NELL2: variants seen among roughly 807,000 people sequenced by gnomAD.
NELL2 encodes the protein neural EGFL like 2, also known as protein kinase C-binding protein NELL2.
NELL2 carries 41 observed loss-of-function variants against 109.6 expected under a neutral mutation model. The observed-to-expected ratio is 0.37, with a 90% CI of 0.29 to 0.49. The LOEUF is 0.49. NELL2 is among the 20% of genes least tolerant of loss of function. The pLI is 0.98. For synonymous variants in NELL2, 355 were observed against 344.7 expected (o/e 1.03, Z -0.33); for missense variants, 900 against 1,008.3 (o/e 0.89, Z 1.45).
rs992663807 is a variant in NELL2 at position 44,708,385 on chromosome 12, G to C, written c.1189+2907C>G. ...CACTGGCTGAGCCTCTAGTGAAAAA[G>C]TCAACACTTCATCTCATGCTCTGCT... On this transcript the variant is annotated intron_variant, in intron 11 of 19. Transcript: ENST00000429094. Among the ~76,000 whole-genome samples the C allele has an allele frequency of 2.0e-5, 3 of 152,154 alleles. No homozygotes were observed. The South Asian group carries it at 6.2e-4, about 31-fold the overall frequency.
intron 13 of NELL2, among the ~76,000 whole-genome samples, chr12:44,663,426 G>T (rs1947817461): frequency 6.6e-6 from 1 of 152,174 alleles, no homozygotes; most frequent in Admixed American, 6.5e-5. Flanking sequence ...AGTGGTGTTA[G>T]TTGAAAATGC....
chr12:44,671,129 A>G (rs1196631299), intron 12 of NELL2, among the ~76,000 whole-genome samples: 3 of 152,212 alleles, frequency 2.0e-5, no homozygotes, highest in Admixed American at 2.0e-4. Context: ...GAAATCAATA[A>G]CAACAGAAAT....
At chr12:44,556,132 T>A (rs563289720) in intron 15 of NELL2, among the ~76,000 whole-genome samples, 3 of 152,220 alleles carry the variant, frequency 2.0e-5, no homozygotes, top group Non-Finnish European at 4.4e-5. Flanking sequence ...TAATCCAGCA[T>A]AGCTGGCATG....
In NELL2 at chr12:44,613,492, G is replaced by T. The variant is rs191673945; in HGVS notation, c.1445-2522C>A. Among the ~76,000 whole-genome samples the T allele has an allele frequency of 4.6e-5, 7 of 152,154 alleles. No individual in the cohort carries two copies. The East Asian group carries it at 1.4e-3, about 29-fold the overall frequency. Reference sequence around the variant, plus strand: ...AAACACAGAGCTCTTAAAAATCCGAGCTGTTTTTCACATTGATTTTACTAT... The same window carrying T: ...AAACACAGAGCTCTTAAAAATCCGATCTGTTTTTCACATTGATTTTACTAT... On this transcript the variant is annotated intron_variant, in intron 13 of 19. Coordinates refer to ENST00000429094, the MANE Select transcript of NELL2 (RefSeq NM_001145108.2).
chr12:44,676,427 C>T (rs145822074), intron 12 of NELL2, among the ~76,000 whole-genome samples: 16 of 152,140 alleles, frequency 1.1e-4, no homozygotes, highest in African/African-American at 3.4e-4. Flanking sequence ...AAGGAACTGC[C>T]AGCTATCATA....
chr12:44,849,969 G>T (rs995357378), intron 2 of NELL2, among the ~76,000 whole-genome samples: 11 of 152,272 alleles, frequency 7.2e-5, no homozygotes, highest in East Asian at 1.9e-4. Flanking sequence ...GAGAGTAATT[G>T]TGTGGGAGAG....
intron 9 of NELL2, among the ~76,000 whole-genome samples, chr12:44,742,851 A>T (rs551124165): frequency 3.2e-4 from 49 of 152,320 alleles, no homozygotes; most frequent in Admixed American, 1.0e-3. Context: ...TGACGGGGAG[A>T]ATGGAACCAA....
At chr12:44,521,893 A>G in intron 18 of NELL2, 107 bp downstream of exon 18, 5 of 1,096,824 alleles carry the variant, frequency 4.6e-6, no homozygotes, top group Admixed American at 2.1e-5. Flanking sequence ...TATAACTGTC[A>G]ACACTGTGGC....
intron 13 of NELL2, among the ~76,000 whole-genome samples, chr12:44,628,480 C>T (rs1946343978): frequency 6.6e-6 from 1 of 152,172 alleles, no homozygotes; most frequent in Non-Finnish European, 1.5e-5. Flanking sequence ...TCCAATCCCA[C>T]TGGGTTCTAT....
intron 13 of NELL2, among the ~76,000 whole-genome samples, chr12:44,626,548 C>CT (rs552718870): frequency 6.6e-6 from 1 of 152,170 alleles, no homozygotes; most frequent in Non-Finnish European, 1.5e-5. Context: ...TATTTATGGT[C>CT]TGTCTTCCTC....
chr12:44,841,801 C>T (rs1944233927), intron 2 of NELL2, among the ~76,000 whole-genome samples: 1 of 152,002 alleles, frequency 6.6e-6, no homozygotes. Context: ...CAGAGTGGAG[C>T]AATCTCTCTG....
chr12:44,771,748 C>T (rs780842863), intron 9 of NELL2, among the ~76,000 whole-genome samples: 4 of 152,194 alleles, frequency 2.6e-5, no homozygotes. Flanking sequence ...GAACAACAAC[C>T]ATCTTGCTAT....
intron 5 of NELL2, 68 bp downstream of exon 5, chr12:44,779,594 TA>T: frequency 7.9e-7 from 1 of 1,272,676 alleles, no homozygotes; most frequent in Non-Finnish European, 1.1e-6. Context: ...CCATAAAAAG[TA>T]AAATCTACTT....
intron 2 of NELL2, among the ~76,000 whole-genome samples, chr12:44,847,160 CATT>C (rs1823549190): frequency 6.6e-6 from 1 of 152,198 alleles, no homozygotes; most frequent in Non-Finnish European, 1.5e-5. Context: ...GCAAGGGACT[CATT>C]ATTACCATGG....
chr12:44,711,816 A>T (rs1262008421), intron 10 of NELL2, among the ~76,000 whole-genome samples: 1 of 152,102 alleles, frequency 6.6e-6, no homozygotes, highest in African/African-American at 2.4e-5. Context: ...AAGTTTTATT[A>T]TAAGGAGATT....
intron 3 of NELL2, among the ~76,000 whole-genome samples, chr12:44,798,812 T>G (rs1038115927): frequency 6.6e-6 from 1 of 151,962 alleles, no homozygotes; most frequent in African/African-American, 2.4e-5. Context: ...TAGAAACAGG[T>G]TCACACAAAT....
intron 1 of NELL2, among the ~76,000 whole-genome samples, chr12:44,901,989 C>T (rs1945665809): frequency 6.6e-6 from 1 of 152,116 alleles, no homozygotes; most frequent in African/African-American, 2.4e-5. Flanking sequence ...TGAAAACTGG[C>T]ACAAGACAAG....
intron 12 of NELL2, among the ~76,000 whole-genome samples, chr12:44,681,775 C>T (rs1432211442): frequency 6.6e-6 from 1 of 152,198 alleles, no homozygotes; most frequent in South Asian, 2.1e-4. Context: ...GCATGGTATT[C>T]CATGGTGTAT....
At chr12:44,579,744 A>C (rs1421111085) in intron 15 of NELL2, among the ~76,000 whole-genome samples, 1 of 152,162 alleles carries the variant, frequency 6.6e-6, no homozygotes, top group Non-Finnish European at 1.5e-5. Flanking sequence ...TTTTAAAGAC[A>C]CATTTGGCAT....
Sources: gnomAD v4.1 joint callset for allele counts (sites outside exome capture counted in the v4.1 genomes callset) on GRCh38, gnomAD v4.1.1 for gene constraint, MANE v1.5 for transcripts, NCBI Gene and HGNC (gene_info 2026-07-23, HGNC 2026-07-21) for gene names.